The following PTRH2 variants were observed in gnomAD, a reference collection of about 807,000 sequenced individuals.
The protein encoded by PTRH2 is peptidyl-tRNA hydrolase 2.
Under a neutral mutation model 12.3 loss-of-function variants are expected in PTRH2, and 10 were observed. That is an observed-to-expected ratio of 0.81 (90% CI 0.50 to 1.38). The LOEUF (loss-of-function observed/expected upper bound fraction) is 1.38. PTRH2 is among the 40% of genes most tolerant of loss of function. PTRH2 has a pLI of 0.00. For missense variants in PTRH2, 176 were observed against 214.1 expected (o/e 0.82, Z 1.11); for synonymous variants, 73 against 77.4 (o/e 0.94, Z 0.30).
At chr17:59,699,090 A>T in intron 1 of PTRH2, 1 of 551,388 alleles carries the variant, frequency 1.8e-6, no homozygotes, top group Non-Finnish European at 3.2e-6. Flanking sequence ...TTTTGACCGT[A>T]CAGCTTGTTT....
chr17:59,697,938 G>C lies in PTRH2; in HGVS notation c.41C>G (p.Pro14Arg), dbSNP rs145040441. 7.4e-6 allele frequency: 12 copies of C among 1,613,658 alleles called. No homozygotes were observed. Among genetic ancestry groups the C allele is most frequent in the Non-Finnish European group, 1.0e-5 (12 of 1,180,028 alleles). ...TCCAACAGCCAAGCCGAGTGTACTG[G>C]GATGAGCCAAATATTCCATAACCAA... Reference protein sequence around the residue: ...KSLVMEYLAHPSTLGLAVGVA... With the variant: ...KSLVMEYLAHRSTLGLAVGVA... Residue 14 changes from proline (P) to arginine (R), a missense_variant, in exon 2 of 2, where the codon CCC (proline) becomes CGC (arginine). By Grantham distance (103) the Pro-to-Arg change is moderately radical (BLOSUM62 -2). Transcript: ENST00000393038.
At chr17:59,698,849 C>T in intron 1 of PTRH2, 1 of 715,008 alleles carries the variant, frequency 1.4e-6, no homozygotes, top group Non-Finnish European at 2.6e-6. Context: ...AAGTGGAAAA[C>T]AATGGTTGTA....
Position 59,697,363 on chromosome 17 carries a change from A to AT in PTRH2, c.*75dup. 1 of 1,455,008 alleles carries AT rather than the reference A, an allele frequency of 6.9e-7. No homozygotes were observed. The highest frequency in any genetic ancestry group is 9.3e-7 in the Non-Finnish European group (1 of 1,076,790). The allele number at this position is 1,455,008 out of a possible 1,614,324, so 90.1% of individuals were successfully genotyped here. On this transcript the variant is annotated 3_prime_UTR_variant, in exon 2 of 2. Coordinates refer to ENST00000393038, the MANE Select transcript of PTRH2 (RefSeq NM_016077.5). ...AAGAACATTTAAGTTGGGTGAAGAA[A>AT]TTCAGCTTTTGTTGTTAGAATCTGA...
chr17:59,700,148 C>G (rs1463226216), intron 1 of PTRH2: 2 of 152,194 alleles, frequency 1.3e-5, no homozygotes, highest in Admixed American at 6.5e-5. Flanking sequence ...TTGAAAAATC[C>G]TAAGTCGGAG....
chr17:59,706,504 G>A (rs1230999483), intron 1 of PTRH2, among the ~76,000 whole-genome samples: 1 of 150,740 alleles, frequency 6.6e-6, no homozygotes, highest in Non-Finnish European at 1.5e-5. Flanking sequence ...GTTTACAACC[G>A]AAAAAAACAA....
intron 1 of PTRH2, among the ~76,000 whole-genome samples, chr17:59,706,130 C>A (rs1164446669): frequency 1.3e-5 from 2 of 152,176 alleles, no homozygotes; most frequent in Admixed American, 6.5e-5. Flanking sequence ...TTTTTCTGTA[C>A]ACTTACGACA....
intron 1 of PTRH2, among the ~76,000 whole-genome samples, chr17:59,703,501 C>T (rs2033590007): frequency 1.3e-5 from 2 of 152,090 alleles, no homozygotes; most frequent in African/African-American, 2.4e-5. Flanking sequence ...TAATCCAGAG[C>T]CCTTGTTCTT....
At chr17:59,701,956 G>A (rs1450706892) in intron 1 of PTRH2, among the ~76,000 whole-genome samples, 5 of 150,526 alleles carry the variant, frequency 3.3e-5, no homozygotes, top group South Asian at 4.2e-4. Context: ...CGCCCACCTC[G>A]GCCTCCCAAA....
intron 1 of PTRH2, chr17:59,698,928 T>A: frequency 1.4e-6 from 1 of 713,916 alleles, no homozygotes; most frequent in Admixed American, 2.0e-5. Context: ...AGCACTGAAA[T>A]AGAATTAATT....
chr17:59,706,370 G>C (rs1208326816), intron 1 of PTRH2, among the ~76,000 whole-genome samples: 2 of 152,014 alleles, frequency 1.3e-5, no homozygotes, highest in East Asian at 3.9e-4. Context: ...TTAAGAGACA[G>C]GGTCTCACTA....
At chr17:59,703,244 G>A (rs1369524906) in intron 1 of PTRH2, among the ~76,000 whole-genome samples, 7 of 150,194 alleles carry the variant, frequency 4.7e-5, no homozygotes, top group Non-Finnish European at 8.9e-5. Context: ...GGCTGGTCTC[G>A]AACTCTGGGC....
intron 1 of PTRH2, among the ~76,000 whole-genome samples, chr17:59,701,862 T>TC (rs1182006415): frequency 2.7e-5 from 4 of 150,446 alleles, no homozygotes; most frequent in East Asian, 1.9e-4. Context: ...CCGGCTAATT[T>TC]TTTTTTTTTT....
rs1464462663 is a variant in PTRH2, at chr17:59,706,813, A to G, written c.-1+558T>C. Among the ~76,000 whole-genome samples, 3 of 151,720 alleles carry G rather than the reference A, an allele frequency of 2.0e-5. No individual in the cohort carries two copies. In the East Asian group the frequency reaches 5.9e-4, roughly 30 times the overall value. On this transcript the variant is annotated intron_variant, in intron 1 of 1. Coordinates refer to ENST00000393038, the MANE Select transcript of PTRH2 (RefSeq NM_016077.5). ...CTCAGCCTCCCGAGTAGCTGGGATT[A>G]CAGGCACGCGCCACCACGCCGGCTA...
chr17:59,698,099 C>G, intron 1 of PTRH2, 121 bp from the exon 2 acceptor site: 1 of 1,005,264 alleles, frequency 9.9e-7, no homozygotes, highest in Non-Finnish European at 1.4e-6. Context: ...GCAAAACACA[C>G]CTTTGATCTT....
chr17:59,705,692 A>G (rs541544553), intron 1 of PTRH2, among the ~76,000 whole-genome samples: 1 of 152,288 alleles, frequency 6.6e-6, no homozygotes, highest in South Asian at 2.1e-4. Context: ...AGGCAGCAGC[A>G]TCTCGAGTCC....
chr17:59,699,454 G>A (rs1409578618), intron 1 of PTRH2: 2 of 154,102 alleles, frequency 1.3e-5, no homozygotes, highest in African/African-American at 2.4e-5. Context: ...AAATTATGAC[G>A]CCTTTTGAAG....
intron 1 of PTRH2, chr17:59,698,797 T>C: frequency 1.4e-6 from 1 of 693,866 alleles, no homozygotes. Flanking sequence ...GAGGCTCTTT[T>C]ATAATAGTGT....
chr17:59,697,993 A>G lies in PTRH2; in HGVS notation c.1-15T>C, dbSNP rs1233336823. ...TTGGAGGGCATCTTAAAGGAAAGGAAAACAGTTATCACTATCCGGCAGTAA... is the reference window on the plus strand; with the variant it reads ...TTGGAGGGCATCTTAAAGGAAAGGAGAACAGTTATCACTATCCGGCAGTAA... On this transcript the variant is annotated splice_polypyrimidine_tract_variant and intron_variant, in intron 1 of 1. Coordinates refer to ENST00000393038, the MANE Select transcript of PTRH2 (RefSeq NM_016077.5). 1 of 1,605,576 alleles carries G rather than the reference A, an allele frequency of 6.2e-7. No individual in the cohort carries two copies. The highest frequency in any genetic ancestry group is 8.5e-7 in the Non-Finnish European group (1 of 1,177,618).
chr17:59,699,701 T>G lies in PTRH2; in HGVS notation c.1-1723A>C, dbSNP rs1466481644. ...ATTTAACTGATGCTGACGATTTCGC[T>G]GCATCACTGATTTGCTTCTTATCCC... On this transcript the variant is annotated intron_variant, in intron 1 of 1. Transcript: ENST00000393038. The G allele has an allele frequency of 2.0e-5, 3 of 152,960 alleles. No homozygotes were observed. The Admixed American group carries it at 2.0e-4, about 10-fold the overall frequency. 9.5% of individuals were successfully genotyped at this position (152,960 alleles called of 1,614,324 possible).
Sources: allele counts gnomAD v4.1 joint callset (sites outside exome capture counted in the v4.1 genomes callset), GRCh38; gene constraint gnomAD v4.1.1; transcripts MANE v1.5; gene names NCBI Gene and HGNC (gene_info 2026-07-23, HGNC 2026-07-21).